MEF2C: variants seen among roughly 807,000 people sequenced by gnomAD.
MEF2C encodes the protein myocyte-specific enhancer factor 2C.
MEF2C carries 6 observed loss-of-function variants against 50.5 expected under a neutral mutation model. The observed-to-expected ratio is 0.12, with a 90% CI of 0.07 to 0.23. The LOEUF (loss-of-function observed/expected upper bound fraction) is 0.23. Among genes scored for constraint, MEF2C ranks in the 10% least tolerant of loss-of-function variants. The pLI is 1.00. For missense variants in MEF2C, 276 were observed against 605.0 expected (o/e 0.46, Z 5.70); for synonymous variants, 183 against 228.0 (o/e 0.80, Z 1.78).
At chr5:88,738,637 G>A (rs897832292) in intron 6 of MEF2C, 2 of 985,256 alleles carry the variant, frequency 2.0e-6, no homozygotes, top group African/African-American at 1.7e-5. Flanking sequence ...CTCTGAGATA[G>A]TGAAAGCCTT....
At chr5:88,792,896 G>C (rs1213549277) in intron 3 of MEF2C, among the ~76,000 whole-genome samples, 1 of 152,112 alleles carries the variant, frequency 6.6e-6, no homozygotes, top group African/African-American at 2.4e-5. Flanking sequence ...CTTTAAATGT[G>C]CAACGTTATG....
rs548157335 is a variant in MEF2C, at chr5:88,869,205, A to T, written c.-143+13750T>A. 3.3e-4 allele frequency among the ~76,000 whole-genome samples: 47 copies of T among 144,488 alleles called. 1 individual carries two copies. The highest frequency in any genetic ancestry group is 1.1e-3 in the African/African-American group (43 of 39,210). 94.8% of individuals were successfully genotyped at this position (144,488 alleles called of 152,430 possible). ...AGTTTCACAATCACGTTATGTCTTA[A>T]ATGTATTTTGTAATTTTTTCCTAGG... is the stretch of plus-strand genomic sequence containing the variant. On this transcript the variant is annotated intron_variant, in intron 1 of 10. Coordinates refer to ENST00000504921, the MANE Select transcript of MEF2C (RefSeq NM_002397.5).
chr5:88,814,503 C>T lies in MEF2C; in HGVS notation c.54+9232G>A, dbSNP rs577916742. Among the ~76,000 whole-genome samples, 54 of 152,056 alleles carry T rather than the reference C, an allele frequency of 3.6e-4. No homozygotes were observed. The South Asian group carries it at 3.7e-3, about 11-fold the overall frequency. ...TTCTGCCGCAAAGGGGACTATTGTC[C>T]TCGTTAGCCTCAAGCAAATTGAGCC... On this transcript the variant is annotated intron_variant, in intron 2 of 10. Coordinates refer to ENST00000504921, the MANE Select transcript of MEF2C (RefSeq NM_002397.5).
At chr5:88,849,745 C>T (rs1442506904) in intron 1 of MEF2C, among the ~76,000 whole-genome samples, 5 of 151,898 alleles carry the variant, frequency 3.3e-5, no homozygotes, top group African/African-American at 1.2e-4. Flanking sequence ...TGAATTGAAA[C>T]CATTAACATT....
intron 6 of MEF2C, chr5:88,737,886 A>T: frequency 2.8e-5 from 28 of 985,334 alleles, no homozygotes; most frequent in Non-Finnish European, 3.1e-5. Context: ...ATGAGTGCCT[A>T]AGATAGCTTC....
chr5:88,779,292 A>G (rs1392116251), intron 3 of MEF2C, among the ~76,000 whole-genome samples: 1 of 152,098 alleles, frequency 6.6e-6, no homozygotes, highest in East Asian at 1.9e-4. Context: ...AGGAAGCAAA[A>G]CATAGTTCAA....
At position 88,778,563 on chromosome 5, in the gene MEF2C, G is replaced by A. The variant is rs865854394; in HGVS notation, c.259-17235C>T. Reference sequence around the variant, plus strand: ...TGGAGAAACTATTGTTTCTCCCTGGGCAAAGCGAGGGATCATCGAGAAATC... The same window carrying A: ...TGGAGAAACTATTGTTTCTCCCTGGACAAAGCGAGGGATCATCGAGAAATC... On this transcript the variant is annotated intron_variant, in intron 3 of 10. Transcript: ENST00000504921. Among the ~76,000 whole-genome samples the A allele has an allele frequency of 2.6e-5, 4 of 151,988 alleles. No individual in the cohort carries two copies. In the South Asian group the frequency reaches 8.3e-4, roughly 32 times the overall value.
chr5:88,736,134 G>A (rs924967164), intron 6 of MEF2C: 1 of 985,236 alleles, frequency 1.0e-6, no homozygotes, highest in Non-Finnish European at 1.2e-6. Context: ...TTTTTCTTCA[G>A]AAATGCCTGT....
chr5:88,825,536 A>G, intron 1 of MEF2C: 3 of 982,426 alleles, frequency 3.1e-6, no homozygotes, highest in Non-Finnish European at 2.4e-6. Context: ...TAGAAATAAC[A>G]CACATTTGAC....
At chr5:88,825,102 C>A (rs1357020414) in intron 1 of MEF2C, among the ~76,000 whole-genome samples, 2 of 151,832 alleles carry the variant, frequency 1.3e-5, no homozygotes, top group Non-Finnish European at 2.9e-5. Flanking sequence ...GATAAATTCC[C>A]ACATGTATTA....
intron 1 of MEF2C, among the ~76,000 whole-genome samples, chr5:88,854,159 A>G (rs1223263457): frequency 6.6e-6 from 1 of 152,216 alleles, no homozygotes; most frequent in Non-Finnish European, 1.5e-5. Context: ...GCTTTAATCT[A>G]TGAGACTTCT....
intron 1 of MEF2C, among the ~76,000 whole-genome samples, chr5:88,827,450 C>T (rs1489451792): frequency 6.6e-6 from 1 of 151,976 alleles, no homozygotes; most frequent in African/African-American, 2.4e-5. Flanking sequence ...CAAAACTCTC[C>T]ACTTCCTTCT....
intron 9 of MEF2C, 89 bp from the exon 10 acceptor site, chr5:88,728,717 T>C: frequency 1.1e-6 from 1 of 942,184 alleles, no homozygotes; most frequent in South Asian, 4.4e-5. Context: ...ATTTCCAAAA[T>C]ATTCTATTAG....
intron 4 of MEF2C, 183 bp downstream of exon 4, chr5:88,761,000 ACT>A: frequency 1.9e-6 from 3 of 1,605,596 alleles, no homozygotes; most frequent in Non-Finnish European, 2.5e-6. Flanking sequence ...GAATTTTATG[ACT>A]CTTGATCATA....
chr5:88,726,016 T>TA (rs1392269428), intron 10 of MEF2C, among the ~76,000 whole-genome samples: 1 of 152,170 alleles, frequency 6.6e-6, no homozygotes, highest in African/African-American at 2.4e-5. Flanking sequence ...CTATAGCAAA[T>TA]AAATTTGTGT....
intron 3 of MEF2C, among the ~76,000 whole-genome samples, chr5:88,763,692 GC>G (rs1179454308): frequency 7.0e-6 from 1 of 142,092 alleles, no homozygotes; most frequent in Non-Finnish European, 1.5e-5. Context: ...TTGCTCTGTT[GC>G]CCAGGCTGGA....
At chr5:88,874,166 C>G (rs1329385424) in intron 1 of MEF2C, among the ~76,000 whole-genome samples, 1 of 151,830 alleles carries the variant, frequency 6.6e-6, no homozygotes, top group Non-Finnish European at 1.5e-5. Context: ...CTAGGCGAAC[C>G]TCTAATAGAG....
intron 1 of MEF2C, chr5:88,825,575 T>C (rs981797180): frequency 2.0e-6 from 2 of 980,404 alleles, no homozygotes; most frequent in African/African-American, 1.8e-5. Context: ...TTATAACATA[T>C]TGAAATCACA....
At chr5:88,854,827 T>C (rs1822682271) in intron 1 of MEF2C, among the ~76,000 whole-genome samples, 5 of 152,232 alleles carry the variant, frequency 3.3e-5, no homozygotes, top group Admixed American at 2.0e-4. Flanking sequence ...TCATGTTTAC[T>C]GAAGTCACAA....
Sources: gnomAD v4.1 joint callset for allele counts (sites outside exome capture counted in the v4.1 genomes callset) on GRCh38, gnomAD v4.1.1 for gene constraint, MANE v1.5 for transcripts, NCBI Gene and HGNC (gene_info 2026-07-23, HGNC 2026-07-21) for gene names.